UBE2D1: variants seen among roughly 807,000 people sequenced by gnomAD.
UBE2D1 encodes ubiquitin-conjugating enzyme E2 D1.
Under a neutral mutation model 24.6 loss-of-function variants are expected in UBE2D1, and 9 were observed. That is an observed-to-expected ratio of 0.37 (90% CI 0.22 to 0.64). The LOEUF is 0.64. Among genes scored for constraint, UBE2D1 ranks in the 30% least tolerant of loss-of-function variants. UBE2D1 has a pLI of 0.64. For missense variants in UBE2D1, 87 were observed against 177.1 expected (o/e 0.49, Z 2.89); for synonymous variants, 57 against 57.6 (o/e 0.99, Z 0.04).
chr10:58,344,286 T>C (rs1403360061), intron 1 of UBE2D1, among the ~76,000 whole-genome samples: 1 of 152,190 alleles, frequency 6.6e-6, no homozygotes, highest in Non-Finnish European at 1.5e-5. Flanking sequence ...TAATGTGCTC[T>C]AGCTGTTACA....
chr10:58,335,050 C>T lies in UBE2D1; in HGVS notation c.-152C>T, dbSNP rs936036538. ...CGCTCGGGCGCACACGGAGCAGGGA[C>T]CGGCGCCCGGAGCGAGCCAGGGAGC... On this transcript the variant is annotated 5_prime_UTR_variant, in exon 1 of 7. Coordinates refer to ENST00000373910, the MANE Select transcript of UBE2D1 (RefSeq NM_003338.5). The T allele has an allele frequency of 2.6e-6, 2 of 777,630 alleles. No homozygotes were observed. The highest frequency in any genetic ancestry group is 2.5e-5 in the Admixed American group (1 of 39,972). 48.2% of individuals were successfully genotyped at this position (777,630 alleles called of 1,614,324 possible).
At chr10:58,338,420 G>A (rs748527226) in intron 1 of UBE2D1, among the ~76,000 whole-genome samples, 4 of 152,206 alleles carry the variant, frequency 2.6e-5, no homozygotes, top group African/African-American at 7.2e-5. Flanking sequence ...AACAGTGAAA[G>A]ATGTTATCGC....
intron 1 of UBE2D1, among the ~76,000 whole-genome samples, chr10:58,359,659 T>A (rs988533745): frequency 6.6e-6 from 1 of 152,216 alleles, no homozygotes; most frequent in Non-Finnish European, 1.5e-5. Flanking sequence ...CCCACCTGGG[T>A]TTGAATCCCA....
chr10:58,349,483 C>G (rs1588998937), intron 1 of UBE2D1, among the ~76,000 whole-genome samples: 1 of 152,138 alleles, frequency 6.6e-6, no homozygotes, highest in Non-Finnish European at 1.5e-5. Flanking sequence ...CCGAAATACA[C>G]AAAATATATG....
At chr10:58,362,615 A>G (rs1479474047) in intron 3 of UBE2D1, among the ~76,000 whole-genome samples, 1 of 152,122 alleles carries the variant, frequency 6.6e-6, no homozygotes, top group African/African-American at 2.4e-5. Flanking sequence ...TAATCATGTT[A>G]TTCATAACTC....
rs183063023 is a variant in UBE2D1 at position 58,346,074 on chromosome 10, A to G, written c.24+10849A>G. ...CACCCAGGCTGGAGTGCAGTGGTACAATCTTTGCTCACTGCAACCTCTGCC... is the reference window on the plus strand; with the variant it reads ...CACCCAGGCTGGAGTGCAGTGGTACGATCTTTGCTCACTGCAACCTCTGCC... On this transcript the variant is annotated intron_variant, in intron 1 of 6. Coordinates refer to ENST00000373910, the MANE Select transcript of UBE2D1 (RefSeq NM_003338.5). Among the ~76,000 whole-genome samples the G allele has an allele frequency of 1.7e-3, 257 of 151,170 alleles. 1 individual carries two copies. Among genetic ancestry groups the G allele is most frequent in the African/African-American group, 6.2e-3 (254 of 41,168 alleles).
chr10:58,341,534 G>A lies in UBE2D1; in HGVS notation c.24+6309G>A, dbSNP rs182664859. Among the ~76,000 whole-genome samples, 163 of 152,166 alleles carry A rather than the reference G, an allele frequency of 1.1e-3. 2 individuals carry two copies. Among genetic ancestry groups the A allele is most frequent in the East Asian group, 1.2e-3 (6 of 5,184 alleles). On this transcript the variant is annotated intron_variant, in intron 1 of 6. Transcript: ENST00000373910. ...TAAAAAAATGAGGTAACCTATGACA[G>A]TTAAAAAGTTCTGAGATTTCTTCTC...
intron 1 of UBE2D1, among the ~76,000 whole-genome samples, chr10:58,354,042 TG>T (rs199561306): frequency 0.042 from 6,465 of 152,242 alleles, 174 homozygotes; most frequent in Middle Eastern, 0.062. Flanking sequence ...GAGGAACAGA[TG>T]GGGGAAAGTT....
chr10:58,348,685 T>C (rs890899900), intron 1 of UBE2D1, among the ~76,000 whole-genome samples: 2 of 152,200 alleles, frequency 1.3e-5, no homozygotes, highest in African/African-American at 4.8e-5. Context: ...GCATTTTTAG[T>C]CTGGTCAGCG....
chr10:58,335,178 T>G lies in UBE2D1; in HGVS notation c.-24T>G. On this transcript the variant is annotated 5_prime_UTR_variant, in exon 1 of 7. Coordinates refer to ENST00000373910, the MANE Select transcript of UBE2D1 (RefSeq NM_003338.5). ...CCCGCAGCCGACCCCTGCCGGCCGG[T>G]GTCCCCACCGCCATCCCTGACCCAT... The G allele has an allele frequency of 6.5e-7, 1 of 1,543,786 alleles. No homozygotes were observed. Among genetic ancestry groups the G allele is most frequent in the Non-Finnish European group, 8.7e-7 (1 of 1,147,668 alleles).
intron 4 of UBE2D1, 169 bp from the exon 5 acceptor site, chr10:58,364,602 G>A: frequency 1.7e-6 from 1 of 579,366 alleles, no homozygotes; most frequent in Non-Finnish European, 3.1e-6. Context: ...TCACTAGCTA[G>A]AACTGTGTGT....
In UBE2D1 at chr10:58,370,663, CA is replaced by C. The variant is rs11336978; in HGVS notation, c.*1910del. 68,616 of 144,578 alleles carry C rather than the reference CA, an allele frequency of 0.47. 15,715 individuals carry two copies. The highest frequency in any genetic ancestry group is 0.55 in the East Asian group (2,752 of 4,972). 9.0% of individuals were successfully genotyped at this position (144,578 alleles called of 1,614,324 possible). On this transcript the variant is annotated 3_prime_UTR_variant, in exon 7 of 7. Transcript: ENST00000373910. Reference sequence around the variant, plus strand: ...GTTTCTTGAATATCTTCACTTTAAACAAAAAAAAAAAACAACTTTCATTTGT... The same window carrying C: ...GTTTCTTGAATATCTTCACTTTAAACAAAAAAAAAAACAACTTTCATTTGT...
intron 1 of UBE2D1, among the ~76,000 whole-genome samples, chr10:58,347,359 C>G (rs2132319389): frequency 6.6e-6 from 1 of 152,278 alleles, no homozygotes; most frequent in South Asian, 2.1e-4. Context: ...CTTCATAAAA[C>G]AGATTCAAAT....
At chr10:58,337,502 A>G (rs1045616538) in intron 1 of UBE2D1, among the ~76,000 whole-genome samples, 1 of 152,190 alleles carries the variant, frequency 6.6e-6, no homozygotes, top group Non-Finnish European at 1.5e-5. Flanking sequence ...GTTCCAACAA[A>G]TGAAGATGTA....
chr10:58,339,588 TA>T (rs1839941068), intron 1 of UBE2D1, among the ~76,000 whole-genome samples: 2 of 152,278 alleles, frequency 1.3e-5, no homozygotes, highest in Admixed American at 6.5e-5. Context: ...TGACATATAT[TA>T]ATTGACTTAA....
chr10:58,361,283 C>T, intron 1 of UBE2D1, 55 bp from the exon 2 acceptor site: 1 of 1,571,022 alleles, frequency 6.4e-7, no homozygotes, highest in Non-Finnish European at 8.8e-7. Context: ...GATCATTACC[C>T]TTGTTTCATT....
chr10:58,349,967 G>A (rs1204412571), intron 1 of UBE2D1, among the ~76,000 whole-genome samples: 1 of 152,024 alleles, frequency 6.6e-6, no homozygotes, highest in Non-Finnish European at 1.5e-5. Flanking sequence ...CTATATTGTT[G>A]CCTGGAGCTG....
intron 1 of UBE2D1, among the ~76,000 whole-genome samples, chr10:58,355,663 G>A (rs1225643193): frequency 2.0e-5 from 3 of 152,068 alleles, no homozygotes; most frequent in Non-Finnish European, 4.4e-5. Flanking sequence ...GTTTTAGATT[G>A]TATATAAAAA....
At chr10:58,348,529 T>C (rs558234898) in intron 1 of UBE2D1, among the ~76,000 whole-genome samples, 2 of 152,334 alleles carry the variant, frequency 1.3e-5, no homozygotes, top group African/African-American at 4.8e-5. Flanking sequence ...TTTCACAGGC[T>C]TTGGACTCAA....
Sources: allele counts gnomAD v4.1 joint callset (sites outside exome capture counted in the v4.1 genomes callset), GRCh38; gene constraint gnomAD v4.1.1; transcripts MANE v1.5; gene names NCBI Gene and HGNC (gene_info 2026-07-23, HGNC 2026-07-21).